Variants in ARNT2 observed in about 807,000 individuals in gnomAD.
ARNT2 encodes ARNT protein 2.
Under a neutral mutation model 91.7 loss-of-function variants are expected in ARNT2, and 36 were observed. The observed-to-expected ratio is 0.39, with a 90% confidence interval of 0.30 to 0.52. ARNT2 has a LOEUF of 0.52. ARNT2 is among the 20% of genes least tolerant of loss of function. The probability of loss-of-function intolerance (pLI) is 0.72; values close to 1 mark genes in which losing one functional copy is unlikely to be tolerated. For missense variants in ARNT2, 775 were observed against 939.3 expected (o/e 0.83, Z 2.29); for synonymous variants, 365 against 347.1 (o/e 1.05, Z -0.57).
Position 80,420,320 on chromosome 15 carries a change from T to C in ARNT2, c.31+15774T>C, listed in dbSNP as rs902644989. Among the ~76,000 whole-genome samples the C allele has an allele frequency of 2.0e-5, 3 of 152,176 alleles. No homozygotes were observed. The South Asian group carries it at 6.2e-4, about 32-fold the overall frequency. On this transcript the variant is annotated intron_variant, in intron 1 of 18. Coordinates refer to ENST00000303329, the MANE Select transcript of ARNT2 (RefSeq NM_014862.4). Reference sequence around the variant, plus strand: ...TGAATTTTGATCTTTTCCTGGACTATTGATATTTGGTACAGTACTCTCCCA... The same window carrying C: ...TGAATTTTGATCTTTTCCTGGACTACTGATATTTGGTACAGTACTCTCCCA...
chr15:80,529,707 C>A (rs976962427), intron 8 of ARNT2, among the ~76,000 whole-genome samples: 1 of 152,140 alleles, frequency 6.6e-6, no homozygotes, highest in Non-Finnish European at 1.5e-5. Context: ...GTTGCTGCTG[C>A]TTCTCAGTTG....
chr15:80,547,569 C>T (rs971828336), intron 8 of ARNT2, among the ~76,000 whole-genome samples: 1 of 152,120 alleles, frequency 6.6e-6, no homozygotes, highest in Middle Eastern at 3.2e-3. Flanking sequence ...GAATGACTAA[C>T]AAACAAATGG....
intron 8 of ARNT2, among the ~76,000 whole-genome samples, chr15:80,524,822 C>T (rs963156826): frequency 6.7e-6 from 1 of 149,590 alleles, no homozygotes; most frequent in Admixed American, 6.7e-5. Flanking sequence ...TTGCAGTGAG[C>T]AGAGATTGCG....
intron 5 of ARNT2, among the ~76,000 whole-genome samples, chr15:80,478,169 G>A (rs181283620): frequency 6.6e-6 from 1 of 152,334 alleles, no homozygotes; most frequent in South Asian, 2.1e-4. Flanking sequence ...GGAAATGTTG[G>A]TTTGACAGCT....
At chr15:80,519,684 CT>C (rs1172255165) in intron 8 of ARNT2, among the ~76,000 whole-genome samples, 2,742 of 121,238 alleles carry the variant, frequency 0.023, 69 homozygotes, top group African/African-American at 0.084. Flanking sequence ...AGGTATGTAG[CT>C]TTTTTTTTTT....
In ARNT2 at chr15:80,513,849, A is replaced by G; in HGVS notation, c.726-62A>G. ...TAAGGCTCATCTACTTGATGGCAGC[A>G]CCATATATTGAATAAACTTGCCTGG... On this transcript the variant is annotated intron_variant, in intron 6 of 18. Transcript: ENST00000303329. The G allele has an allele frequency of 6.5e-6, 9 of 1,386,376 alleles. 1 individual carries two copies. The South Asian group carries it at 1.0e-4, about 16-fold the overall frequency. 85.9% of individuals were successfully genotyped at this position (1,386,376 alleles called of 1,614,324 possible).
At chr15:80,565,232 T>C (rs1298692126) in intron 12 of ARNT2, among the ~76,000 whole-genome samples, 2 of 152,182 alleles carry the variant, frequency 1.3e-5, no homozygotes, top group African/African-American at 4.8e-5. Flanking sequence ...GCCCACGTTT[T>C]CTTTATTCAG....
At chr15:80,420,525 C>T (rs985443939) in intron 1 of ARNT2, among the ~76,000 whole-genome samples, 7 of 151,886 alleles carry the variant, frequency 4.6e-5, no homozygotes, top group African/African-American at 7.3e-5. Context: ...TTTCAATTTA[C>T]GATGGGTTTA....
intron 8 of ARNT2, among the ~76,000 whole-genome samples, chr15:80,538,978 G>A (rs957034191): frequency 1.3e-5 from 2 of 151,686 alleles, no homozygotes; most frequent in Non-Finnish European, 2.9e-5. Context: ...GCTAATTCCT[G>A]GAAGGAAGGA....
rs55844773 is a variant in ARNT2, at chr15:80,493,149, G to A, written c.623-15007G>A. The stretch of plus-strand genomic sequence containing the variant: ...AGCAAGAGAGAACGAGACAGAGAGC[G>A]GAAAGCAAGAAGGGCCAAGCTTGCT... On this transcript the variant is annotated intron_variant, in intron 5 of 18. Transcript: ENST00000303329. Among the ~76,000 whole-genome samples, 814 of 152,230 alleles carry A rather than the reference G, an allele frequency of 5.3e-3. 5 individuals are homozygous for A. Among genetic ancestry groups the A allele is most frequent in the African/African-American group, 0.019 (785 of 41,538 alleles).
chr15:80,440,873 A>G (rs1161708650), intron 1 of ARNT2, among the ~76,000 whole-genome samples: 1 of 152,224 alleles, frequency 6.6e-6, no homozygotes, highest in Admixed American at 6.5e-5. Context: ...AAAGCCGAGC[A>G]TGGATCTGCA....
intron 10 of ARNT2, 63 bp downstream of exon 10, chr15:80,552,837 T>G (rs1348165080): frequency 1.3e-6 from 2 of 1,569,394 alleles, no homozygotes; most frequent in African/African-American, 2.7e-5. Flanking sequence ...TAAAACATTC[T>G]TACTTCATTT....
At chr15:80,544,954 T>C (rs1286964502) in intron 8 of ARNT2, among the ~76,000 whole-genome samples, 1 of 152,140 alleles carries the variant, frequency 6.6e-6, no homozygotes, top group Non-Finnish European at 1.5e-5. Flanking sequence ...AGGAGATAGA[T>C]AGACTGAGTT....
chr15:80,515,872 T>A (rs907643793), intron 8 of ARNT2, among the ~76,000 whole-genome samples: 1 of 145,864 alleles, frequency 6.9e-6, no homozygotes, highest in Non-Finnish European at 1.5e-5. Context: ...GAAGTATTCT[T>A]TTTTTTTTTT....
At chr15:80,448,392 C>T (rs1414327988) in intron 1 of ARNT2, among the ~76,000 whole-genome samples, 1 of 152,206 alleles carries the variant, frequency 6.6e-6, no homozygotes. Context: ...CTTGTGGGCA[C>T]CCACGCAGGT....
chr15:80,431,623 A>C (rs1595959061), intron 1 of ARNT2, among the ~76,000 whole-genome samples: 1 of 152,182 alleles, frequency 6.6e-6, no homozygotes, highest in East Asian at 1.9e-4. Context: ...AGACAGGCCC[A>C]CCTTCCTCTC....
intron 1 of ARNT2, among the ~76,000 whole-genome samples, chr15:80,440,658 T>C (rs1262218744): frequency 6.6e-6 from 1 of 152,152 alleles, no homozygotes; most frequent in Non-Finnish European, 1.5e-5. Flanking sequence ...AATTCCCTAA[T>C]GCCAAAACCT....
At chr15:80,562,651 C>A (rs4423382) in intron 11 of ARNT2, among the ~76,000 whole-genome samples, 123,302 of 152,132 alleles carry the variant, frequency 0.81, 50,151 homozygotes, top group East Asian at 0.99. Context: ...TGTATGTTGC[C>A]GTACCAAGAA....
chr15:80,429,445 G>T (rs1895978071), intron 1 of ARNT2, among the ~76,000 whole-genome samples: 1 of 152,216 alleles, frequency 6.6e-6, no homozygotes, highest in Admixed American at 6.5e-5. Context: ...TCGCAAGGTG[G>T]GGCGCCTGGA....
Sources: gnomAD v4.1 joint callset for allele counts (sites outside exome capture counted in the v4.1 genomes callset) on GRCh38, gnomAD v4.1.1 for gene constraint, MANE v1.5 for transcripts, NCBI Gene and HGNC (gene_info 2026-07-23, HGNC 2026-07-21) for gene names.